The following FAM117B variants were observed in gnomAD, a reference collection of about 807,000 sequenced individuals.
The protein encoded by FAM117B is family with sequence similarity 117 member B.
In FAM117B, 22 loss-of-function variants were observed where a neutral mutation model predicts 52.8. That is an observed-to-expected ratio of 0.42 (90% CI 0.30 to 0.59). The LOEUF is 0.59. Among genes scored for constraint, FAM117B ranks in the 20% least tolerant of loss-of-function variants. The pLI is 0.22. For missense variants in FAM117B, 678 were observed against 802.6 expected (o/e 0.84, Z 1.88); for synonymous variants, 309 against 324.1 (o/e 0.95, Z 0.50).
chr2:202,639,741 G>C (rs1689738133), intron 1 of FAM117B, among the ~76,000 whole-genome samples: 1 of 152,040 alleles, frequency 6.6e-6, no homozygotes, highest in South Asian at 2.1e-4. Flanking sequence ...ATTAAATAAG[G>C]GAAAACTGAA....
At position 202,735,394 on chromosome 2, in the gene FAM117B, G is replaced by A. The variant is rs145580609; in HGVS notation, c.960+9031G>A. ...CTCTTAACATTGAAGGGACAGTATT[G>A]CTGTTAGGATAGTGGTGTAGTCTAC... is the stretch of plus-strand genomic sequence containing the variant. On this transcript the variant is annotated intron_variant, in intron 4 of 7. Coordinates refer to ENST00000392238, the MANE Select transcript of FAM117B (RefSeq NM_173511.4). 3.3e-3 allele frequency among the ~76,000 whole-genome samples: 502 copies of A among 152,254 alleles called. 3 individuals carry two copies. Among genetic ancestry groups the A allele is most frequent in the African/African-American group, 0.012 (486 of 41,556 alleles).
chr2:202,719,806 G>A (rs1042143321), intron 2 of FAM117B, among the ~76,000 whole-genome samples: 3 of 152,258 alleles, frequency 2.0e-5, no homozygotes, highest in Admixed American at 6.5e-5. Context: ...TTAATCTAGA[G>A]AAGTTCCTCA....
chr2:202,765,648 G>A lies in FAM117B; in HGVS notation c.1654G>A (p.Val552Met), dbSNP rs776110893. The change falls in exon 8 of 8, where the codon GTG (valine) becomes ATG (methionine). Residue 552 changes from valine (V) to methionine (M), a missense_variant. This residue lies in a region of FAM117B where 68 missense variants were observed against 80.6 expected (regional missense o/e 0.84). Transcript: ENST00000392238. ...AACCACTCTGCTGCAGCCTATTGCTGTGGCCTCCCTGTCTACAAACACAGA... is the reference window on the plus strand; with the variant it reads ...AACCACTCTGCTGCAGCCTATTGCTATGGCCTCCCTGTCTACAAACACAGA... ...MTTTLLQPIA[V>M]ASLSTNTEQD... 11 of 1,614,010 alleles carry A rather than the reference G, an allele frequency of 6.8e-6. No individual in the cohort carries two copies. Among genetic ancestry groups the A allele is most frequent in the Non-Finnish European group, 9.3e-6 (11 of 1,180,032 alleles).
intron 1 of FAM117B, among the ~76,000 whole-genome samples, chr2:202,648,528 C>T (rs1267282114): frequency 8.0e-6 from 1 of 125,462 alleles, no homozygotes; most frequent in Non-Finnish European, 1.6e-5. Context: ...ACCCCCCCCC[C>T]AAAACAAAAA....
At chr2:202,657,595 C>G (rs1229617768) in intron 1 of FAM117B, among the ~76,000 whole-genome samples, 1 of 152,092 alleles carries the variant, frequency 6.6e-6, no homozygotes, top group Non-Finnish European at 1.5e-5. Flanking sequence ...CTCAGGTGAT[C>G]TTCAAACCTT....
At chr2:202,691,578 G>T (rs1200739296) in intron 1 of FAM117B, among the ~76,000 whole-genome samples, 2 of 151,328 alleles carry the variant, frequency 1.3e-5, no homozygotes, top group African/African-American at 4.9e-5. Flanking sequence ...AGCAACAATG[G>T]TCATAGTTAG....
intron 1 of FAM117B, among the ~76,000 whole-genome samples, chr2:202,658,390 G>T (rs902895777): frequency 7.9e-5 from 12 of 152,078 alleles, no homozygotes; most frequent in Admixed American, 2.0e-4. Context: ...TGCAGCCTCT[G>T]CCTCCTGGGT....
intron 1 of FAM117B, among the ~76,000 whole-genome samples, chr2:202,684,013 C>T (rs1411909715): frequency 6.6e-6 from 1 of 152,022 alleles, no homozygotes; most frequent in Non-Finnish European, 1.5e-5. Context: ...ATCACAGGCA[C>T]ACGCTACCAC....
At chr2:202,671,377 T>C (rs1179357522) in intron 1 of FAM117B, among the ~76,000 whole-genome samples, 4 of 152,230 alleles carry the variant, frequency 2.6e-5, no homozygotes, top group African/African-American at 9.6e-5. Context: ...CTAGATTACA[T>C]AGAGAATATG....
intron 1 of FAM117B, among the ~76,000 whole-genome samples, chr2:202,649,772 G>A (rs979236515): frequency 2.6e-5 from 4 of 152,034 alleles, no homozygotes; most frequent in Admixed American, 6.6e-5. Context: ...GGCTGGTCTC[G>A]AACTCCTGAC....
intron 2 of FAM117B, among the ~76,000 whole-genome samples, chr2:202,705,700 C>T (rs1451646781): frequency 1.3e-5 from 2 of 152,160 alleles, no homozygotes; most frequent in Non-Finnish European, 2.9e-5. Context: ...TGATCCTTTG[C>T]GAGTTTGCCT....
At chr2:202,651,149 G>A (rs1489064173) in intron 1 of FAM117B, among the ~76,000 whole-genome samples, 2 of 146,912 alleles carry the variant, frequency 1.4e-5, no homozygotes, top group Non-Finnish European at 3.0e-5. Context: ...TGTAACCTCT[G>A]CCTCCCAGTT....
chr2:202,676,814 G>T (rs2105768385), intron 1 of FAM117B, among the ~76,000 whole-genome samples: 1 of 152,308 alleles, frequency 6.6e-6, no homozygotes, highest in East Asian at 1.9e-4. Flanking sequence ...GCCTTAGGAG[G>T]TTGAAAGAAT....
chr2:202,743,981 C>T (rs934730405), intron 4 of FAM117B, among the ~76,000 whole-genome samples: 9 of 152,312 alleles, frequency 5.9e-5, no homozygotes, highest in African/African-American at 2.2e-4. Flanking sequence ...AAAACTCCCT[C>T]AGTCTTACAA....
At chr2:202,664,552 A>C (rs1193187147) in intron 1 of FAM117B, among the ~76,000 whole-genome samples, 1 of 152,210 alleles carries the variant, frequency 6.6e-6, no homozygotes, top group African/African-American at 2.4e-5. Flanking sequence ...CTTCAAAATA[A>C]AAATTAATTT....
chr2:202,719,542 G>A lies in FAM117B; in HGVS notation c.754-5375G>A, dbSNP rs535069103. Among the ~76,000 whole-genome samples the A allele has an allele frequency of 2.9e-3, 438 of 152,172 alleles. 3 individuals are homozygous for A. The highest frequency in any genetic ancestry group is 9.8e-3 in the African/African-American group (407 of 41,530). On this transcript the variant is annotated intron_variant, in intron 2 of 7. Transcript: ENST00000392238. Reference sequence around the variant, plus strand: ...ACAATTATGTTATAATTTGCTAATCGTTAGTAAGTTGCAGACATTCTAACT... The same window carrying A: ...ACAATTATGTTATAATTTGCTAATCATTAGTAAGTTGCAGACATTCTAACT...
chr2:202,670,479 G>A lies in FAM117B; in HGVS notation c.602-25402G>A, dbSNP rs149336822. Among the ~76,000 whole-genome samples, 293 of 151,940 alleles carry A rather than the reference G, an allele frequency of 1.9e-3. 4 individuals carry two copies. In the Middle Eastern group the frequency reaches 0.041, roughly 21 times the overall value. On this transcript the variant is annotated intron_variant, in intron 1 of 7. Coordinates refer to ENST00000392238, the MANE Select transcript of FAM117B (RefSeq NM_173511.4). ...TAATTTTTGTATTTTTAGAGACGGG[G>A]TTTCATGAAACACGTTGGCCATTCT... is the stretch of plus-strand genomic sequence containing the variant.
rs751709954 is a variant in FAM117B, at chr2:202,635,640, G to A, written c.453G>A (p.Ser151=). ...PPPPPLLGTV[S]SPSSSPTHLW... ...CGCCGCCGCTGCTGGGCACCGTGTC[G>A]TCGCCCAGCTCGTCGCCCACCCACC... Residue 151 remains serine (S), a synonymous_variant, in exon 1 of 8, where the codon TCG becomes TCA. Coordinates refer to ENST00000392238, the MANE Select transcript of FAM117B (RefSeq NM_173511.4). 1.1e-5 allele frequency: 14 copies of A among 1,332,104 alleles called. No homozygotes were observed. In the East Asian group the frequency reaches 3.5e-4, roughly 33 times the overall value. 82.5% of individuals were successfully genotyped at this position (1,332,104 alleles called of 1,614,324 possible). A position where few individuals can be genotyped will look rare whatever the true frequency, so the allele number is the denominator to read the frequency against.
chr2:202,719,203 A>T (rs1691110900), intron 2 of FAM117B, among the ~76,000 whole-genome samples: 1 of 152,078 alleles, frequency 6.6e-6, no homozygotes, highest in African/African-American at 2.4e-5. Context: ...TTTGCTAGGT[A>T]TTTTTTCCTG....
Sources: allele counts gnomAD v4.1 joint callset (sites outside exome capture counted in the v4.1 genomes callset), GRCh38; gene constraint gnomAD v4.1.1; regional missense constraint gnomAD v4.1.1; transcripts MANE v1.5; gene names NCBI Gene and HGNC (gene_info 2026-07-23, HGNC 2026-07-21).